SYNE1: variants seen among roughly 807,000 people sequenced by gnomAD.
The protein encoded by SYNE1 is nesprin-1.
Under a neutral mutation model 1,111.0 loss-of-function variants are expected in SYNE1, and 616 were observed. The observed-to-expected ratio is 0.55, with a 90% CI of 0.52 to 0.59. SYNE1 has a LOEUF of 0.59. SYNE1 is among the 20% of genes least tolerant of loss of function. The pLI, the probability that SYNE1 is intolerant of heterozygous loss-of-function variation, is 0.00. For synonymous variants in SYNE1, 3,855 were observed against 3,825.8 expected (o/e 1.01, Z -0.28); for missense variants, 10,006 against 10,417.0 (o/e 0.96, Z 1.72).
At chr6:152,414,292 T>G (rs2098119050) in intron 41 of SYNE1, among the ~76,000 whole-genome samples, 1 of 151,962 alleles carries the variant, frequency 6.6e-6, no homozygotes, top group Non-Finnish European at 1.5e-5. Context: ...GTGTATAGTC[T>G]CAGCTATTTG....
intron 97 of SYNE1, among the ~76,000 whole-genome samples, chr6:152,280,905 A>G (rs1471858037): frequency 6.6e-6 from 1 of 152,226 alleles, no homozygotes; most frequent in Non-Finnish European, 1.5e-5. Context: ...AATGATCAAT[A>G]TTATGAATCT....
intron 2 of SYNE1, among the ~76,000 whole-genome samples, chr6:152,634,577 T>C (rs1390164271): frequency 5.3e-5 from 8 of 152,224 alleles, no homozygotes; most frequent in Non-Finnish European, 8.8e-5. Flanking sequence ...TACTAATAAA[T>C]GTGTGCAGGT....
chr6:152,391,407 T>C lies in SYNE1; in HGVS notation c.7874A>G (p.Glu2625Gly). The C allele has an allele frequency of 6.2e-7, 1 of 1,613,922 alleles. No individual in the cohort carries two copies. The highest frequency in any genetic ancestry group is 8.5e-7 in the Non-Finnish European group (1 of 1,179,964). Reference protein sequence around the residue: ...KLRSCQVALQEHEALEEALQS... With the variant: ...KLRSCQVALQGHEALEEALQS... ...CAGTGCTTCCTCCAGGGCTTCGTGC[T>C]CCTGAAGGGCCACCTGGCAGCTCCG... The change falls in exon 52 of 146, where the codon GAG (glutamate) becomes GGG (glycine). Residue 2625 changes from glutamate to glycine, a missense_variant. Physicochemically the swap from Glu to Gly is moderately conservative, Grantham distance 98. Coordinates refer to ENST00000367255, the MANE Select transcript of SYNE1 (RefSeq NM_182961.4).
At position 152,323,731 on chromosome 6, in the gene SYNE1, T is replaced by C. The variant is rs763094667; in HGVS notation, c.15664A>G (p.Lys5222Glu). 3 of 1,614,186 alleles carry C rather than the reference T, an allele frequency of 1.9e-6. No homozygotes were observed. Among genetic ancestry groups the C allele is most frequent in the Non-Finnish European group, 2.5e-6 (3 of 1,180,034 alleles). Residue 5222 changes from lysine (K) to glutamate (E), a missense_variant, in exon 82 of 146, where the codon AAG (lysine) becomes GAG (glutamate). This residue lies in a region of SYNE1 where 4,955 missense variants were observed against 5,017.2 expected (regional missense o/e 0.99). Transcript: ENST00000367255. ...EWTGFNNKVK[K>E]ATEMIDQLQD... ...AGCTGATCAATCATTTCAGTGGCCT[T>C]TTTAACCTGATGACAAATGTACATA...
intron 101 of SYNE1, among the ~76,000 whole-genome samples, chr6:152,257,705 G>A (rs2091158797): frequency 6.6e-6 from 1 of 151,936 alleles, no homozygotes; most frequent in East Asian, 1.9e-4. Context: ...ATAATCAGAT[G>A]AAAAGTAAAT....
intron 131 of SYNE1, among the ~76,000 whole-genome samples, chr6:152,162,501 G>A (rs189407881): frequency 2.3e-4 from 35 of 152,104 alleles, no homozygotes; most frequent in Non-Finnish European, 4.4e-5. Flanking sequence ...GTGAAATTAC[G>A]ATACCCGCCA....
At chr6:152,316,724 A>G (rs981671255) in intron 87 of SYNE1, 125 bp downstream of exon 87, 3 of 1,053,298 alleles carry the variant, frequency 2.8e-6, no homozygotes, top group African/African-American at 3.2e-5. Flanking sequence ...GGGGTACCTT[A>G]GCATTCTTTT....
chr6:152,256,555 C>T, intron 102 of SYNE1, 79 bp downstream of exon 102: 1 of 1,591,894 alleles, frequency 6.3e-7, no homozygotes, highest in Non-Finnish European at 8.6e-7. Context: ...GCAACAGTCT[C>T]ACAGAGGCCA....
At position 152,218,292 on chromosome 6, in the gene SYNE1, G is replaced by C. The variant is rs2079247337; in HGVS notation, c.22156C>G (p.Leu7386Val). The C allele has an allele frequency of 6.2e-7, 1 of 1,614,100 alleles. No homozygotes were observed. Among genetic ancestry groups the C allele is most frequent in the African/African-American group, 1.3e-5 (1 of 75,038 alleles). Residue 7386 changes from leucine (L) to valine (V), a missense_variant, in exon 121 of 146, where the codon CTC (leucine) becomes GTC (valine). Physicochemically the swap from Leu to Val is conservative, Grantham distance 32. Transcript: ENST00000367255. ...TCCATCCTTTCCTGGATTGTGGAGA[G>C]GTCAGATGAGTGGCTAGGGTCCTGC... Reference protein sequence around the residue: ...QGQDPSHSSDLSTIQERMEEL... With the variant: ...QGQDPSHSSDVSTIQERMEEL...
At chr6:152,125,309 T>A (rs1406413720) in intron 145 of SYNE1, 1 of 1,550,316 alleles carries the variant, frequency 6.5e-7, no homozygotes, top group Non-Finnish European at 8.7e-7. Flanking sequence ...TGAACTTGCA[T>A]CCTAAAATAT....
Position 152,427,833 on chromosome 6 carries a change from G to A in SYNE1, c.4977-17C>T, listed in dbSNP as rs375970443. ...TTCTCTAGCCTAAAGGAAGCAGAGAGCAGAAACAAATTTATTGAAAATTAT... is the reference window on the plus strand; with the variant it reads ...TTCTCTAGCCTAAAGGAAGCAGAGAACAGAAACAAATTTATTGAAAATTAT... On this transcript the variant is annotated splice_polypyrimidine_tract_variant and intron_variant, in intron 37 of 145. Transcript: ENST00000367255. 10 of 1,613,800 alleles carry A rather than the reference G, an allele frequency of 6.2e-6. No individual in the cohort carries two copies. Among genetic ancestry groups the A allele is most frequent in the African/African-American group, 5.3e-5 (4 of 74,896 alleles).
In SYNE1 at chr6:152,440,568, T is replaced by A. The variant is rs976144020; in HGVS notation, c.4149+562A>T. 9.1e-4 allele frequency among the ~76,000 whole-genome samples: 35 copies of A among 38,482 alleles called. No homozygotes were observed. In the African/African-American group the frequency reaches 0.011, roughly 12 times the overall value. The allele number at this position is 38,482 out of a possible 152,430, so 25.2% of individuals were successfully genotyped here. On this transcript the variant is annotated intron_variant, in intron 32 of 145. Coordinates refer to ENST00000367255, the MANE Select transcript of SYNE1 (RefSeq NM_182961.4). Reference sequence around the variant, plus strand: ...GTTAAAAAATATTATTGCCTCCAGATTTTTTTTTTTTTTTTTTTGAGATGG... The same window carrying A: ...GTTAAAAAATATTATTGCCTCCAGAATTTTTTTTTTTTTTTTTTGAGATGG...
intron 16 of SYNE1, among the ~76,000 whole-genome samples, chr6:152,470,160 C>G (rs1295409740): frequency 6.6e-6 from 1 of 152,114 alleles, no homozygotes; most frequent in African/African-American, 2.4e-5. Flanking sequence ...ATGAAGTAGG[C>G]AGGGAGTACT....
intron 13 of SYNE1, among the ~76,000 whole-genome samples, chr6:152,483,815 T>G (rs549614233): frequency 2.1e-4 from 32 of 152,114 alleles, no homozygotes; most frequent in Admixed American, 5.9e-4. Context: ...CAGACACATT[T>G]CCTAGCTTAC....
intron 125 of SYNE1, among the ~76,000 whole-genome samples, chr6:152,207,389 G>A (rs994117691): frequency 2.0e-5 from 3 of 152,160 alleles, no homozygotes; most frequent in Admixed American, 1.3e-4. Context: ...CTTCTCTGCT[G>A]GCAGGGGGCA....
At chr6:152,544,803 G>A (rs1481250283) in intron 3 of SYNE1, among the ~76,000 whole-genome samples, 1 of 152,150 alleles carries the variant, frequency 6.6e-6, no homozygotes, top group African/African-American at 2.4e-5. Context: ...TTTACTCTAG[G>A]TGACTTAAAC....
intron 91 of SYNE1, among the ~76,000 whole-genome samples, chr6:152,303,414 A>AAAG (rs1178251505): frequency 3.8e-4 from 57 of 151,964 alleles, no homozygotes; most frequent in Non-Finnish European, 7.4e-5. Context: ...AAAAAAAAAA[A>AAAG]AAGAACACAT....
At chr6:152,238,040 C>A (rs1441087041) in intron 108 of SYNE1, among the ~76,000 whole-genome samples, 1 of 152,038 alleles carries the variant, frequency 6.6e-6, no homozygotes, top group Non-Finnish European at 1.5e-5. Flanking sequence ...AGACACAAAC[C>A]CAGGCCTTCT....
At chr6:152,436,223 T>C (rs897231980) in intron 32 of SYNE1, 122 bp from the exon 33 acceptor site, 1 of 993,966 alleles carries the variant, frequency 1.0e-6, no homozygotes, top group Admixed American at 2.5e-5. Context: ...CATACATGTA[T>C]GGATCTTACA....
Sources: allele counts gnomAD v4.1 joint callset (sites outside exome capture counted in the v4.1 genomes callset), GRCh38; gene constraint gnomAD v4.1.1; regional missense constraint gnomAD v4.1.1; transcripts MANE v1.5; gene names NCBI Gene and HGNC (gene_info 2026-07-23, HGNC 2026-07-21).